Variants in IQCE observed in about 807,000 individuals in gnomAD.
The protein encoded by IQCE is IQ domain-containing protein E.
In IQCE, 115 loss-of-function variants were observed where a neutral mutation model predicts 96.0. The ratio of observed to expected loss-of-function variants is 1.20; its 90% CI spans 1.03 to 1.40. The LOEUF (loss-of-function observed/expected upper bound fraction) is 1.40, where lower values mean the gene tolerates loss of function less well. Among genes scored for constraint, IQCE ranks in the 40% most tolerant of loss-of-function variants. The pLI is 0.00. For synonymous variants in IQCE, 412 were observed against 371.2 expected (o/e 1.11, Z -1.26); for missense variants, 1,041 against 909.1 (o/e 1.15, Z -1.87).
At chr7:2,585,460 C>T (rs560743718) in intron 11 of IQCE, among the ~76,000 whole-genome samples, 7 of 152,342 alleles carry the variant, frequency 4.6e-5, no homozygotes, top group South Asian at 2.1e-4. Context: ...CTGGCCTGAA[C>T]GAGGCTTCTT....
At chr7:2,604,138 G>GC (rs11427353) in intron 18 of IQCE, among the ~76,000 whole-genome samples, 152,180 of 152,190 alleles carry the variant, frequency 1, 76,085 homozygotes, top group Middle Eastern at 1. Flanking sequence ...ACAGGCATGC[G>GC]CGCCACGTCT....
intron 8 of IQCE, among the ~76,000 whole-genome samples, chr7:2,579,214 T>C (rs1374892440): frequency 6.6e-6 from 1 of 152,186 alleles, no homozygotes; most frequent in Non-Finnish European, 1.5e-5. Flanking sequence ...GGCGATCAGC[T>C]GTAGGTGGCA....
In IQCE at chr7:2,603,262, C is replaced by T. The variant is rs111533608; in HGVS notation, c.1633-1619C>T. On this transcript the variant is annotated intron_variant, in intron 18 of 21. Coordinates refer to ENST00000402050, the MANE Select transcript of IQCE (RefSeq NM_152558.5). Reference sequence around the variant, plus strand: ...ACAGCCCGCTGCGGTTCCTAGCACACGCCCCTGCCTGGCATCTCACTTTGT... The same window carrying T: ...ACAGCCCGCTGCGGTTCCTAGCACATGCCCCTGCCTGGCATCTCACTTTGT... Among the ~76,000 whole-genome samples, 104 of 152,324 alleles carry T rather than the reference C, an allele frequency of 6.8e-4. 1 individual carries two copies. The highest frequency in any genetic ancestry group is 1.3e-3 in the Non-Finnish European group (89 of 68,022).
rs1785181034 is a variant in IQCE at position 2,613,395 on chromosome 7, A to G, written c.*3233A>G. Reference sequence around the variant, plus strand: ...GAGGGCTCCAGGGACATCCTTGGAGATACAGGAGGCTTTCCTGGCACAGGG... The same window carrying G: ...GAGGGCTCCAGGGACATCCTTGGAGGTACAGGAGGCTTTCCTGGCACAGGG... On this transcript the variant is annotated 3_prime_UTR_variant, in exon 22 of 22. Coordinates refer to ENST00000402050, the MANE Select transcript of IQCE (RefSeq NM_152558.5). 1 of 152,240 alleles carries G rather than the reference A, an allele frequency of 6.6e-6. No homozygotes were observed. Among genetic ancestry groups the G allele is most frequent in the African/African-American group, 2.4e-5 (1 of 41,440 alleles). The allele number at this position is 152,240 out of a possible 1,614,324, so 9.4% of individuals were successfully genotyped here.
chr7:2,597,927 C>A (rs949161365), intron 16 of IQCE, among the ~76,000 whole-genome samples: 3 of 152,304 alleles, frequency 2.0e-5, no homozygotes, highest in Non-Finnish European at 2.9e-5. Flanking sequence ...CTTGGCCCCC[C>A]ACATTGTTGG....
chr7:2,592,715 C>T (rs1398162669), intron 14 of IQCE, among the ~76,000 whole-genome samples: 4 of 152,336 alleles, frequency 2.6e-5, no homozygotes, highest in South Asian at 2.1e-4. Flanking sequence ...CACACGGGTG[C>T]GAGGTCCGTG....
rs1379279178 is a variant in IQCE, at chr7:2,558,998, C to T, written c.-184C>T. Reference sequence around the variant, plus strand: ...GACTCTGCGCACGCGCATGGTCGCCCCAGGGGGAACGCAGGTCGCTTACCC... The same window carrying T: ...GACTCTGCGCACGCGCATGGTCGCCTCAGGGGGAACGCAGGTCGCTTACCC... On this transcript the variant is annotated 5_prime_UTR_variant, in exon 1 of 22. Transcript: ENST00000402050. 2 of 346,796 alleles carry T rather than the reference C, an allele frequency of 5.8e-6. No individual in the cohort carries two copies. Among genetic ancestry groups the T allele is most frequent in the Admixed American group, 4.8e-5 (1 of 20,662 alleles). The allele number at this position is 346,796 out of a possible 1,614,324, so 21.5% of individuals were successfully genotyped here. A position where few individuals can be genotyped will look rare whatever the true frequency, so the allele number is the denominator to read the frequency against.
At chr7:2,591,796 T>C (rs1480403373) in intron 14 of IQCE, among the ~76,000 whole-genome samples, 3 of 152,092 alleles carry the variant, frequency 2.0e-5, no homozygotes, top group African/African-American at 7.2e-5. Flanking sequence ...AATTTTTGTA[T>C]TTTTAGTAGA....
intron 1 of IQCE, among the ~76,000 whole-genome samples, chr7:2,562,438 G>A (rs1375240326): frequency 6.6e-6 from 1 of 151,988 alleles, no homozygotes; most frequent in African/African-American, 2.4e-5. Flanking sequence ...AGGTCTCATA[G>A]AATGAATTGG....
intron 8 of IQCE, among the ~76,000 whole-genome samples, chr7:2,581,774 A>G (rs1041188156): frequency 1.3e-4 from 19 of 151,192 alleles, no homozygotes; most frequent in African/African-American, 4.4e-4. Flanking sequence ...CAGTGGCGCA[A>G]TCTCGGCTCA....
intron 20 of IQCE, among the ~76,000 whole-genome samples, chr7:2,606,406 A>G (rs1302782074): frequency 6.6e-6 from 1 of 151,798 alleles, no homozygotes; most frequent in Non-Finnish European, 1.5e-5. Context: ...CGACGCGTGC[A>G]GGGTCTAGAT....
In IQCE at chr7:2,559,236, G is replaced by A. The variant is rs781188250; in HGVS notation, c.36+19G>A. 6.3e-5 allele frequency: 76 copies of A among 1,209,460 alleles called. No individual in the cohort carries two copies. In the African/African-American group the frequency reaches 1.1e-3, roughly 17 times the overall value. The allele number at this position is 1,209,460 out of a possible 1,614,324, so 74.9% of individuals were successfully genotyped here. A position where few individuals can be genotyped will look rare whatever the true frequency, so the allele number is the denominator to read the frequency against. On this transcript the variant is annotated intron_variant, in intron 1 of 21. Transcript: ENST00000402050. ...GGACACGGTAAGAACGGGCGAGGGG[G>A]CGACGCCGGGCGGGCGTCCGCGAGG...
chr7:2,571,537 C>T lies in IQCE; in HGVS notation c.142C>T (p.Leu48Phe), dbSNP rs1781754142. ...GTTGGCTTTTCCAGAGTCACCTTAT[C>T]TCTCTAAGCCGAGAAAAGTGGCCTC... ...PPPTSPKSPYLSKPRKVASWR... is the reference protein window; with the variant it reads ...PPPTSPKSPYFSKPRKVASWR... Residue 48 changes from leucine to phenylalanine, a missense_variant, in exon 4 of 22, where the codon CTC (leucine) becomes TTC (phenylalanine). Transcript: ENST00000402050. 6.2e-7 allele frequency: 1 copy of T among 1,606,450 alleles called. No homozygotes were observed. The highest frequency in any genetic ancestry group is 8.5e-7 in the Non-Finnish European group (1 of 1,179,966).
At chr7:2,589,667 G>A (rs774006965) in intron 13 of IQCE, among the ~76,000 whole-genome samples, 1 of 152,036 alleles carries the variant, frequency 6.6e-6, no homozygotes, top group Non-Finnish European at 1.5e-5. Flanking sequence ...TTCTGCCTGC[G>A]CCCTGGCTTG....
chr7:2,587,410 G>C (rs187907057), intron 12 of IQCE, among the ~76,000 whole-genome samples: 1 of 151,880 alleles, frequency 6.6e-6, no homozygotes, highest in African/African-American at 2.4e-5. Context: ...CGGTATATGG[G>C]GGAGGCGAGG....
At chr7:2,560,095 A>G (rs965098412) in intron 1 of IQCE, among the ~76,000 whole-genome samples, 1 of 151,528 alleles carries the variant, frequency 6.6e-6, no homozygotes, top group Non-Finnish European at 1.5e-5. Flanking sequence ...AGGAGGTGGA[A>G]GCTACAGTGA....
At chr7:2,593,219 AGCCG>A in intron 15 of IQCE, 93 bp downstream of exon 15, 2 of 1,482,456 alleles carry the variant, frequency 1.3e-6, no homozygotes, top group Non-Finnish European at 1.8e-6. Context: ...CCTTGCTGCC[AGCCG>A]GCTTCTTAGA....
chr7:2,598,700 T>G, intron 17 of IQCE, 68 bp downstream of exon 17: 1 of 1,365,176 alleles, frequency 7.3e-7, no homozygotes, highest in Non-Finnish European at 9.6e-7. Flanking sequence ...AGCCACTCAC[T>G]CTCCAGGAAT....
At chr7:2,594,038 G>A (rs1562664207) in intron 15 of IQCE, among the ~76,000 whole-genome samples, 1 of 152,072 alleles carries the variant, frequency 6.6e-6, no homozygotes, top group East Asian at 1.9e-4. Flanking sequence ...GAGGCGGGCA[G>A]ATCGTGAGGT....
Sources: allele counts gnomAD v4.1 joint callset (sites outside exome capture counted in the v4.1 genomes callset), GRCh38; gene constraint gnomAD v4.1.1; transcripts MANE v1.5; gene names NCBI Gene and HGNC (gene_info 2026-07-23, HGNC 2026-07-21).